SELENOF: variants seen among roughly 807,000 people sequenced by gnomAD.
SELENOF encodes the protein selenoprotein F.
A neutral mutation model predicts 20.5 loss-of-function variants in SELENOF; 16 were observed. That is an observed-to-expected ratio of 0.78 (90% CI 0.53 to 1.19). SELENOF has a LOEUF of 1.19. Among genes scored for constraint, SELENOF ranks in the 50% most tolerant of loss-of-function variants. The pLI is 0.00. For missense variants in SELENOF, 215 were observed against 194.2 expected, an observed-to-expected ratio of 1.11 and a Z score of -0.64; for synonymous variants, 78 against 74.5, an observed-to-expected ratio of 1.05 and a Z score of -0.24.
chr1:86,901,272 GAAC>G (rs1225167903), intron 2 of SELENOF, among the ~76,000 whole-genome samples: 1 of 152,100 alleles, frequency 6.6e-6, no homozygotes, highest in Non-Finnish European at 1.5e-5. Flanking sequence ...AAAATCCAGA[GAAC>G]AATATTGCAT....
rs118113395 is a variant in SELENOF, at chr1:86,900,667, C to T, written c.252+2614G>A. 3.4e-3 allele frequency among the ~76,000 whole-genome samples: 501 copies of T among 147,574 alleles called. 15 individuals carry two copies. The East Asian group carries it at 0.086, about 25-fold the overall frequency. ...GGGGAAAGGGAGAGGGAGAGGGAGA[C>T]GGAGACAGAGACGGAGACGGAGACC... On this transcript the variant is annotated intron_variant, in intron 2 of 4. Transcript: ENST00000331835.
intron 2 of SELENOF, among the ~76,000 whole-genome samples, chr1:86,888,110 A>C (rs773777424): frequency 2.0e-5 from 3 of 152,076 alleles, no homozygotes; most frequent in African/African-American, 7.2e-5. Flanking sequence ...AAATACAAAA[A>C]TTAGCCAGGC....
At chr1:86,885,416 T>C (rs1659187707) in intron 2 of SELENOF, among the ~76,000 whole-genome samples, 1 of 151,926 alleles carries the variant, frequency 6.6e-6, no homozygotes, top group African/African-American at 2.4e-5. Context: ...CCAAAATAAG[T>C]TCATTTATAA....
intron 2 of SELENOF, among the ~76,000 whole-genome samples, chr1:86,888,835 T>C (rs1488471070): frequency 6.6e-6 from 1 of 152,058 alleles, no homozygotes; most frequent in Non-Finnish European, 1.5e-5. Flanking sequence ...GGCTAATTTT[T>C]GTATTTTTGC....
intron 1 of SELENOF, among the ~76,000 whole-genome samples, chr1:86,909,833 G>A (rs769331511): frequency 5.9e-5 from 9 of 152,178 alleles, no homozygotes; most frequent in East Asian, 1.9e-4. Context: ...GTGAAACCCC[G>A]TCTCCACTAA....
intron 1 of SELENOF, among the ~76,000 whole-genome samples, chr1:86,908,727 A>C (rs937862645): frequency 6.6e-6 from 1 of 152,226 alleles, no homozygotes; most frequent in South Asian, 2.1e-4. Flanking sequence ...TTATCATTCT[A>C]TACTGCTTTT....
intron 3 of SELENOF, among the ~76,000 whole-genome samples, chr1:86,877,594 T>C (rs1658955654): frequency 6.6e-6 from 1 of 152,248 alleles, no homozygotes; most frequent in African/African-American, 2.4e-5. Flanking sequence ...TGCAGTATTT[T>C]TAAAGTTTCA....
chr1:86,890,297 C>T (rs1659343052), intron 2 of SELENOF, among the ~76,000 whole-genome samples: 1 of 152,112 alleles, frequency 6.6e-6, no homozygotes, highest in Non-Finnish European at 1.5e-5. Context: ...TGATATTTAC[C>T]TGACCTGCCA....
At chr1:86,877,495 A>G (rs2102083182) in intron 3 of SELENOF, among the ~76,000 whole-genome samples, 1 of 152,346 alleles carries the variant, frequency 6.6e-6, no homozygotes, top group East Asian at 1.9e-4. Context: ...ACATAGAATG[A>G]CATATCTTGG....
intron 1 of SELENOF, among the ~76,000 whole-genome samples, chr1:86,913,364 A>G (rs536738063): frequency 7.9e-5 from 12 of 152,004 alleles, no homozygotes; most frequent in African/African-American, 2.7e-4. Flanking sequence ...TCACCCATCT[A>G]TTCTGCCAAT....
intron 1 of SELENOF, 111 bp from the exon 2 acceptor site, chr1:86,903,559 A>G (rs1659757473): frequency 1.5e-6 from 1 of 676,320 alleles, no homozygotes; most frequent in East Asian, 3.3e-5. Flanking sequence ...CAAGTTACTG[A>G]AATGTTTCAT....
intron 2 of SELENOF, 61 bp downstream of exon 2, chr1:86,903,220 T>TA: frequency 6.9e-7 from 1 of 1,443,660 alleles, no homozygotes; most frequent in Non-Finnish European, 9.3e-7. Context: ...TTAAGCAACT[T>TA]ACATTTTTAC....
intron 2 of SELENOF, among the ~76,000 whole-genome samples, chr1:86,885,542 T>C (rs1659191072): frequency 1.3e-5 from 2 of 152,156 alleles, no homozygotes; most frequent in East Asian, 1.9e-4. Flanking sequence ...CCAGCACCAT[T>C]ACACATTTAT....
At chr1:86,882,247 C>CAAAAAAA (rs61037512) in intron 2 of SELENOF, among the ~76,000 whole-genome samples, 6 of 61,872 alleles carry the variant, frequency 9.7e-5, no homozygotes, top group African/African-American at 1.4e-4. Flanking sequence ...GACTCTGTCT[C>CAAAAAAA]AAAAAAAAAA....
At chr1:86,910,664 A>G (rs981105325) in intron 1 of SELENOF, among the ~76,000 whole-genome samples, 1 of 131,560 alleles carries the variant, frequency 7.6e-6, no homozygotes, top group South Asian at 2.3e-4. Context: ...AGATGATGCC[A>G]CCGCACTCCA....
chr1:86,877,520 T>C (rs1256208038), intron 3 of SELENOF, among the ~76,000 whole-genome samples: 1 of 152,214 alleles, frequency 6.6e-6, no homozygotes, highest in Non-Finnish European at 1.5e-5. Flanking sequence ...AGGACCCAAA[T>C]ATAAACCTGA....
At chr1:86,863,950 A>G (rs1031580814) in intron 4 of SELENOF, among the ~76,000 whole-genome samples, 1 of 152,130 alleles carries the variant, frequency 6.6e-6, no homozygotes, top group Non-Finnish European at 1.5e-5. Context: ...TGGGACTAGA[A>G]GCAAGTGAAA....
At chr1:86,872,201 T>C (rs1172789379) in intron 3 of SELENOF, among the ~76,000 whole-genome samples, 1 of 152,190 alleles carries the variant, frequency 6.6e-6, no homozygotes, top group Non-Finnish European at 1.5e-5. Flanking sequence ...ATTTTCCTGA[T>C]TTTGAAGGTA....
intron 4 of SELENOF, among the ~76,000 whole-genome samples, chr1:86,866,230 C>G (rs140350662): frequency 0.011 from 1,255 of 113,652 alleles, 13 homozygotes; most frequent in South Asian, 0.021. Flanking sequence ...GTGTGTGTCT[C>G]TGTGTGTGTG....
Sources: allele counts gnomAD v4.1 joint callset (sites outside exome capture counted in the v4.1 genomes callset), GRCh38; gene constraint gnomAD v4.1.1; transcripts MANE v1.5; gene names NCBI Gene and HGNC (gene_info 2026-07-23, HGNC 2026-07-21).